The following ADARB2 variants were observed in gnomAD, a reference collection of about 807,000 sequenced individuals.
ADARB2 encodes inactive double-stranded RNA-specific editase B2.
Under a neutral mutation model 62.2 loss-of-function variants are expected in ADARB2, and 25 were observed. That is an observed-to-expected ratio of 0.40 (90% CI 0.29 to 0.56). The LOEUF (loss-of-function observed/expected upper bound fraction) is 0.56. Among genes scored for constraint, ADARB2 ranks in the 20% least tolerant of loss-of-function variants. The pLI, the probability that ADARB2 is intolerant of heterozygous loss-of-function variation, is 0.43. For synonymous variants in ADARB2, 572 were observed against 500.8 expected, an observed-to-expected ratio of 1.14 and a Z score of -1.90; for missense variants, 1,071 against 1,077.4, an observed-to-expected ratio of 0.99 and a Z score of 0.08.
At chr10:1,675,756 TACTC>T (rs1834459945) in intron 1 of ADARB2, among the ~76,000 whole-genome samples, 1 of 152,156 alleles carries the variant, frequency 6.6e-6, no homozygotes. Context: ...TAGGGCTAGT[TACTC>T]AGTCTCTGAG....
intron 1 of ADARB2, among the ~76,000 whole-genome samples, chr10:1,496,296 CCAT>C (rs1363585868): frequency 6.6e-6 from 1 of 150,872 alleles, no homozygotes; most frequent in African/African-American, 2.4e-5. Flanking sequence ...ATCATAGTCA[CCAT>C]CATCAGTATC....
At chr10:1,579,470 T>C (rs1248973053) in intron 1 of ADARB2, among the ~76,000 whole-genome samples, 4 of 152,140 alleles carry the variant, frequency 2.6e-5, no homozygotes, top group African/African-American at 9.7e-5. Flanking sequence ...ATTTGAGAGA[T>C]TGTGACTCAG....
chr10:1,200,563 G>C (rs952063382), intron 7 of ADARB2, among the ~76,000 whole-genome samples: 21 of 152,224 alleles, frequency 1.4e-4, no homozygotes, highest in Admixed American at 1.2e-3. Context: ...TACTCCCTTT[G>C]TCCTTAGCAG....
rs530361789 is a variant in ADARB2, at chr10:1,401,883, C to T, written c.101-22723G>A. Among the ~76,000 whole-genome samples the T allele has an allele frequency of 1.2e-4, 19 of 152,232 alleles. No individual in the cohort carries two copies. In the South Asian group the frequency reaches 1.9e-3, roughly 15 times the overall value. On this transcript the variant is annotated intron_variant, in intron 1 of 9. Coordinates refer to ENST00000381312, the MANE Select transcript of ADARB2 (RefSeq NM_018702.4). ...CTAGTGCCCAGAGCATTTCCACGAGCGTGTACTTGTGGAGGGCTGAGTTCT... is the reference window on the plus strand; with the variant it reads ...CTAGTGCCCAGAGCATTTCCACGAGTGTGTACTTGTGGAGGGCTGAGTTCT...
intron 1 of ADARB2, among the ~76,000 whole-genome samples, chr10:1,498,719 C>T (rs1249536929): frequency 6.6e-6 from 1 of 152,172 alleles, no homozygotes; most frequent in African/African-American, 2.4e-5. Context: ...ACACAAGTTA[C>T]AGACATATAC....
At chr10:1,732,002 TTGATA>T (rs1236950843) in intron 1 of ADARB2, among the ~76,000 whole-genome samples, 1 of 152,210 alleles carries the variant, frequency 6.6e-6, no homozygotes, top group African/African-American at 2.4e-5. Context: ...AATATCTGTT[TTGATA>T]TAATATTTTT....
chr10:1,717,529 TTTCC>T (rs995711278), intron 1 of ADARB2, among the ~76,000 whole-genome samples: 2 of 123,074 alleles, frequency 1.6e-5, no homozygotes, highest in Non-Finnish European at 3.6e-5. Context: ...CTTTCCTTTC[TTTCC>T]TTCCTTCCTT....
chr10:1,202,284 G>A (rs1836996758), intron 7 of ADARB2, among the ~76,000 whole-genome samples: 1 of 151,892 alleles, frequency 6.6e-6, no homozygotes, highest in African/African-American at 2.4e-5. Flanking sequence ...GTCTCACTCT[G>A]TCACCCAGGC....
chr10:1,581,560 A>G lies in ADARB2; in HGVS notation c.100+155491T>C, dbSNP rs151059410. ...GTACGTAAACCTGTAGAATGGAACA[A>G]CAGTAACTACCACAGGGGTAGGTCT... is the stretch of plus-strand genomic sequence containing the variant. On this transcript the variant is annotated intron_variant, in intron 1 of 9. Coordinates refer to ENST00000381312, the MANE Select transcript of ADARB2 (RefSeq NM_018702.4). Among the ~76,000 whole-genome samples the G allele has an allele frequency of 1.6e-3, 246 of 152,342 alleles. 2 individuals are homozygous for G. The highest frequency in any genetic ancestry group is 5.7e-3 in the African/African-American group (237 of 41,572).
At chr10:1,548,961 G>C (rs113429976) in intron 1 of ADARB2, among the ~76,000 whole-genome samples, 1 of 152,208 alleles carries the variant, frequency 6.6e-6, no homozygotes, top group Admixed American at 6.5e-5. Context: ...CTGGGCCACA[G>C]GGGCGGGGGA....
chr10:1,719,671 T>C (rs1241713708), intron 1 of ADARB2, among the ~76,000 whole-genome samples: 2 of 152,114 alleles, frequency 1.3e-5, no homozygotes, highest in Non-Finnish European at 2.9e-5. Context: ...TCAGAATCTA[T>C]AAGGAACCTA....
At chr10:1,642,574 T>C (rs1281045323) in intron 1 of ADARB2, among the ~76,000 whole-genome samples, 1 of 152,194 alleles carries the variant, frequency 6.6e-6, no homozygotes, top group Admixed American at 6.5e-5. Context: ...GTATAATTTA[T>C]ATAAAATAAA....
intron 3 of ADARB2, among the ~76,000 whole-genome samples, chr10:1,304,512 G>T (rs1831607516): frequency 6.6e-6 from 1 of 152,184 alleles, no homozygotes; most frequent in Non-Finnish European, 1.5e-5. Flanking sequence ...ACTCAGCTCT[G>T]CAACAAGCAG....
chr10:1,455,255 C>T (rs748418481), intron 1 of ADARB2, among the ~76,000 whole-genome samples: 4 of 152,164 alleles, frequency 2.6e-5, no homozygotes, highest in Non-Finnish European at 4.4e-5. Flanking sequence ...GCAAATCAAG[C>T]GCCACCTGGA....
chr10:1,517,077 G>A (rs150429720), intron 1 of ADARB2, among the ~76,000 whole-genome samples: 1 of 152,334 alleles, frequency 6.6e-6, no homozygotes, highest in East Asian at 1.9e-4. Flanking sequence ...GCTCACTGGA[G>A]GGAGGATTTC....
At chr10:1,496,690 CTTAA>C (rs1831696973) in intron 1 of ADARB2, among the ~76,000 whole-genome samples, 1 of 152,038 alleles carries the variant, frequency 6.6e-6, no homozygotes, top group Admixed American at 6.6e-5. Flanking sequence ...TCATTATCAA[CTTAA>C]TTATCATCAC....
chr10:1,216,764 G>T, intron 7 of ADARB2, 187 bp downstream of exon 7: 2 of 769,934 alleles, frequency 2.6e-6, no homozygotes, highest in Non-Finnish European at 4.0e-6. Context: ...GACTCGGGGT[G>T]CCTTGGCCTC....
At chr10:1,558,185 G>A (rs1832731693) in intron 1 of ADARB2, among the ~76,000 whole-genome samples, 1 of 151,990 alleles carries the variant, frequency 6.6e-6, no homozygotes, top group Admixed American at 6.5e-5. Flanking sequence ...TCTCCCCGGA[G>A]AGACCCCGCG....
intron 1 of ADARB2, among the ~76,000 whole-genome samples, chr10:1,537,934 C>T (rs1305679573): frequency 1.3e-5 from 2 of 152,190 alleles, no homozygotes; most frequent in African/African-American, 4.8e-5. Context: ...ACCTATGTAA[C>T]AAACCTGCAC....
Sources: gnomAD v4.1 joint callset for allele counts (sites outside exome capture counted in the v4.1 genomes callset) on GRCh38, gnomAD v4.1.1 for gene constraint, MANE v1.5 for transcripts, NCBI Gene and HGNC (gene_info 2026-07-23, HGNC 2026-07-21) for gene names.